DLG2: variants seen among roughly 807,000 people sequenced by gnomAD.
DLG2 encodes the protein discs large MAGUK scaffold protein 2.
In DLG2, 45 loss-of-function variants were observed where a neutral mutation model predicts 132.5. The observed-to-expected ratio is 0.34, with a 90% confidence interval of 0.27 to 0.44. The LOEUF is 0.44. DLG2 is among the 20% of genes least tolerant of loss of function. The pLI is 1.00. For missense variants in DLG2, 1,045 were observed against 1,196.9 expected (o/e 0.87, Z 1.87); for synonymous variants, 424 against 419.6 (o/e 1.01, Z -0.13).
chr11:85,347,783 C>CACTAAGAG, intron 3 of DLG2, among the ~76,000 whole-genome samples: 1 of 147,180 alleles, frequency 6.8e-6, no homozygotes, highest in East Asian at 2.0e-4. Context: ...GGGCATGGTA[C>CACTAAGAG]ACTAAGAGGC....
chr11:83,837,710 A>C (rs1449407091), intron 16 of DLG2, among the ~76,000 whole-genome samples: 1 of 142,306 alleles, frequency 7.0e-6, no homozygotes, highest in Non-Finnish European at 1.5e-5. Flanking sequence ...GCTCTGTCCA[A>C]ATACATAGCA....
intron 7 of DLG2, among the ~76,000 whole-genome samples, chr11:84,367,508 T>C (rs1413068260): frequency 6.6e-6 from 1 of 152,164 alleles, no homozygotes; most frequent in Non-Finnish European, 1.5e-5. Context: ...ATTTGTTTCA[T>C]CTGAAATTCA....
At chr11:83,928,222 G>A (rs189951008) in intron 15 of DLG2, among the ~76,000 whole-genome samples, 1 of 152,062 alleles carries the variant, frequency 6.6e-6, no homozygotes, top group Non-Finnish European at 1.5e-5. Context: ...ATGGGGGTTG[G>A]GGCCTGGTGC....
At chr11:85,247,905 T>C (rs767312853) in intron 4 of DLG2, among the ~76,000 whole-genome samples, 16 of 152,084 alleles carry the variant, frequency 1.1e-4, no homozygotes, top group Non-Finnish European at 1.9e-4. Context: ...ATCATTGCTT[T>C]GGTCCCCTTC....
chr11:85,147,079 G>C (rs1430079466), intron 5 of DLG2, among the ~76,000 whole-genome samples: 1 of 152,176 alleles, frequency 6.6e-6, no homozygotes, highest in Non-Finnish European at 1.5e-5. Flanking sequence ...CTGAATACAT[G>C]CCATCGGTTG....
Position 85,259,317 on chromosome 11 carries a change from T to C in DLG2, c.186+25903A>G, listed in dbSNP as rs1036001372. The stretch of plus-strand genomic sequence containing the variant: ...AAGATGCATCTGCTTCCCCTTTGCC[T>C]TCCACCATGATTGTAAGTTTCCTGA... On this transcript the variant is annotated intron_variant, in intron 4 of 27. Transcript: ENST00000376104. 3.3e-5 allele frequency among the ~76,000 whole-genome samples: 5 copies of C among 152,172 alleles called. No individual in the cohort carries two copies. The East Asian group carries it at 9.6e-4, about 29-fold the overall frequency.
chr11:83,583,705 A>G (rs1188877401), intron 19 of DLG2, among the ~76,000 whole-genome samples: 3 of 152,232 alleles, frequency 2.0e-5, no homozygotes, highest in African/African-American at 7.2e-5. Context: ...GTTTCTTGAG[A>G]ACAAGAACCT....
chr11:83,957,729 T>C (rs1160947497), intron 14 of DLG2, among the ~76,000 whole-genome samples: 2 of 152,138 alleles, frequency 1.3e-5, no homozygotes, highest in Non-Finnish European at 2.9e-5. Context: ...CATTATCTCA[T>C]CTCTTTCTGG....
intron 16 of DLG2, among the ~76,000 whole-genome samples, chr11:83,867,287 G>T (rs915738838): frequency 6.6e-6 from 1 of 152,022 alleles, no homozygotes; most frequent in Non-Finnish European, 1.5e-5. Flanking sequence ...CATAAAGTGG[G>T]TTAAAGGTAC....
intron 6 of DLG2, among the ~76,000 whole-genome samples, chr11:84,804,456 T>G (rs575089356): frequency 6.6e-6 from 1 of 152,272 alleles, no homozygotes; most frequent in Admixed American, 6.5e-5. Flanking sequence ...ATAAAACCCC[T>G]GGGCATTATA....
intron 11 of DLG2, among the ~76,000 whole-genome samples, chr11:84,001,838 A>G (rs2094361315): frequency 6.6e-6 from 1 of 152,202 alleles, no homozygotes; most frequent in African/African-American, 2.4e-5. Flanking sequence ...ATGTTCTTAA[A>G]TAATCATTGG....
At chr11:85,122,839 C>T (rs1463928258) in intron 5 of DLG2, among the ~76,000 whole-genome samples, 1 of 149,018 alleles carries the variant, frequency 6.7e-6, no homozygotes, top group Non-Finnish European at 1.5e-5. Context: ...TATATATACA[C>T]ACACACACAT....
chr11:84,570,945 G>A (rs1403013437), intron 6 of DLG2, among the ~76,000 whole-genome samples: 1 of 152,138 alleles, frequency 6.6e-6, no homozygotes, highest in African/African-American at 2.4e-5. Context: ...AAGGGGGTTG[G>A]AGGAAAATCT....
At chr11:85,094,066 T>G (rs2069311502) in intron 6 of DLG2, among the ~76,000 whole-genome samples, 1 of 152,230 alleles carries the variant, frequency 6.6e-6, no homozygotes, top group Non-Finnish European at 1.5e-5. Context: ...GATTTCAACT[T>G]TAGGATTTTA....
intron 3 of DLG2, among the ~76,000 whole-genome samples, chr11:85,545,035 G>A (rs2076219931): frequency 6.6e-6 from 1 of 152,166 alleles, no homozygotes; most frequent in Admixed American, 6.6e-5. Context: ...TGTTGAATAG[G>A]AGTGGTGAAA....
intron 6 of DLG2, chr11:85,021,773 G>C (rs1029870523): frequency 1.1e-5 from 6 of 550,488 alleles, no homozygotes; most frequent in African/African-American, 1.9e-5. Flanking sequence ...TGGGTTCTAC[G>C]TGGAGAACCT....
At chr11:84,801,898 T>G (rs1352612893) in intron 6 of DLG2, among the ~76,000 whole-genome samples, 1 of 152,196 alleles carries the variant, frequency 6.6e-6, no homozygotes, top group Non-Finnish European at 1.5e-5. Context: ...ATCAAAAGAA[T>G]TTCCCACGTT....
intron 6 of DLG2, among the ~76,000 whole-genome samples, chr11:84,711,330 A>AGAG (rs2060394622): frequency 4.1e-5 from 2 of 48,478 alleles, no homozygotes; most frequent in Non-Finnish European, 4.5e-5. Context: ...CAGAACCAGT[A>AGAG]AGAGAGAGAG....
chr11:84,593,835 T>C (rs942784768), intron 6 of DLG2, among the ~76,000 whole-genome samples: 11 of 152,206 alleles, frequency 7.2e-5, no homozygotes, highest in Non-Finnish European at 1.6e-4. Context: ...ATTCTCTCTA[T>C]AGCCAATTAT....
Sources: gnomAD v4.1 joint callset for allele counts (sites outside exome capture counted in the v4.1 genomes callset) on GRCh38, gnomAD v4.1.1 for gene constraint, MANE v1.5 for transcripts, NCBI Gene and HGNC (gene_info 2026-07-23, HGNC 2026-07-21) for gene names.